The following CRLF3 variants were observed in gnomAD, a reference collection of about 807,000 sequenced individuals.
CRLF3 encodes the protein cytokine receptor-like factor 3.
Under a neutral mutation model 55.0 loss-of-function variants are expected in CRLF3, and 33 were observed. The ratio of observed to expected loss-of-function variants is 0.60; its 90% CI spans 0.46 to 0.80. CRLF3 has a LOEUF of 0.80. Among genes scored for constraint, CRLF3 ranks in the 30% least tolerant of loss-of-function variants. The pLI, the probability that CRLF3 is intolerant of heterozygous loss-of-function variation, is 0.00. For synonymous variants in CRLF3, 238 were observed against 196.8 expected, an observed-to-expected ratio of 1.21 and a Z score of -1.75; for missense variants, 494 against 538.4, an observed-to-expected ratio of 0.92 and a Z score of 0.82.
chr17:30,789,476 G>C (rs1971736922), intron 6 of CRLF3, among the ~76,000 whole-genome samples: 1 of 152,162 alleles, frequency 6.6e-6, no homozygotes, highest in Non-Finnish European at 1.5e-5. Flanking sequence ...AAAGAGCTAA[G>C]GACACAGTAA....
At chr17:30,803,175 AT>A (rs201199296) in intron 2 of CRLF3, among the ~76,000 whole-genome samples, 116 of 132,692 alleles carry the variant, frequency 8.7e-4, no homozygotes, top group African/African-American at 3.0e-3. Context: ...CAAAAAAAAA[AT>A]ATATATATAT....
At chr17:30,784,636 C>A in intron 7 of CRLF3, 193 bp from the exon 8 acceptor site, 1 of 495,896 alleles carries the variant, frequency 2.0e-6, no homozygotes, top group Non-Finnish European at 3.6e-6. Flanking sequence ...TTTCCCATAT[C>A]AGTGTCATCA....
chr17:30,822,677 G>C (rs1286760367), intron 1 of CRLF3, among the ~76,000 whole-genome samples: 2 of 152,002 alleles, frequency 1.3e-5, no homozygotes. Context: ...GAACCATCTA[G>C]GGTGTAATCA....
At chr17:30,794,914 T>G (rs756492189) in intron 4 of CRLF3, among the ~76,000 whole-genome samples, 5 of 152,230 alleles carry the variant, frequency 3.3e-5, no homozygotes, top group Non-Finnish European at 5.9e-5. Context: ...CTTGGAAGGC[T>G]AAATTGATAG....
intron 1 of CRLF3, among the ~76,000 whole-genome samples, chr17:30,805,390 A>G (rs1312853214): frequency 6.6e-6 from 1 of 152,120 alleles, no homozygotes; most frequent in Non-Finnish European, 1.5e-5. Flanking sequence ...AATTCATTTT[A>G]CTGAAAAGCA....
Position 30,786,125 on chromosome 17 carries a change from C to T in CRLF3, c.960-94G>A, listed in dbSNP as rs962793910. 5.5e-6 allele frequency: 4 copies of T among 731,216 alleles called. No homozygotes were observed. The African/African-American group carries it at 7.0e-5, about 13-fold the overall frequency. The allele number at this position is 731,216 out of a possible 1,614,324, so 45.3% of individuals were successfully genotyped here. A position where few individuals can be genotyped will look rare whatever the true frequency, so the allele number is the denominator to read the frequency against. On this transcript the variant is annotated intron_variant, in intron 6 of 7. Coordinates refer to ENST00000324238, the MANE Select transcript of CRLF3 (RefSeq NM_015986.4). ...TAGCTTAAAAAGAGCAATCTCACCA[C>T]AATTGTTTTTTTCTAAATAGTACAG...
chr17:30,794,720 C>T (rs1237601414), intron 4 of CRLF3, among the ~76,000 whole-genome samples: 3 of 152,092 alleles, frequency 2.0e-5, no homozygotes, highest in African/African-American at 7.2e-5. Flanking sequence ...ATCACTTGAG[C>T]CCAGGAGATT....
intron 1 of CRLF3, 108 bp downstream of exon 1, chr17:30,824,415 T>G (rs938798371): frequency 9.5e-7 from 1 of 1,048,914 alleles, no homozygotes; most frequent in Non-Finnish European, 1.3e-6. Flanking sequence ...GCCTCTTCCC[T>G]ACTCCAGAGT....
At chr17:30,792,205 T>G (rs1597917473) in intron 6 of CRLF3, among the ~76,000 whole-genome samples, 1 of 152,092 alleles carries the variant, frequency 6.6e-6, no homozygotes, top group Admixed American at 6.6e-5. Flanking sequence ...GGAAAAGAGA[T>G]ATAAACATAT....
chr17:30,821,273 G>C (rs1164408409), intron 1 of CRLF3, among the ~76,000 whole-genome samples: 1 of 150,402 alleles, frequency 6.6e-6, no homozygotes, highest in Non-Finnish European at 1.5e-5. Flanking sequence ...CTGAGAGGCA[G>C]AGCTTGCAGT....
intron 1 of CRLF3, among the ~76,000 whole-genome samples, chr17:30,810,571 TAATA>T (rs1904581712): frequency 6.6e-6 from 1 of 151,050 alleles, no homozygotes; most frequent in Non-Finnish European, 1.5e-5. Flanking sequence ...CAAAAAAAAA[TAATA>T]AATAAATAAT....
chr17:30,810,264 CT>C (rs1360206009), intron 1 of CRLF3, among the ~76,000 whole-genome samples: 1 of 152,118 alleles, frequency 6.6e-6, no homozygotes, highest in Non-Finnish European at 1.5e-5. Context: ...ACCATTAAAA[CT>C]TACAAAGTTT....
intron 1 of CRLF3, among the ~76,000 whole-genome samples, chr17:30,821,125 T>C (rs1456622560): frequency 6.7e-6 from 1 of 148,286 alleles, no homozygotes; most frequent in East Asian, 2.0e-4. Flanking sequence ...CCAAAGTGGG[T>C]GTTCATCTGA....
At chr17:30,804,156 C>A in intron 1 of CRLF3, 48 bp from the exon 2 acceptor site, 1 of 1,370,228 alleles carries the variant, frequency 7.3e-7, no homozygotes, top group South Asian at 1.2e-5. Context: ...TTAAAAAAGG[C>A]TAATCCAAAG....
chr17:30,796,225 G>A lies in CRLF3; in HGVS notation c.538C>T (p.Arg180Cys), dbSNP rs1971915613. Reference protein sequence around the residue: ...HIFKHGTVASRPPVQIEELIE... With the variant: ...HIFKHGTVASCPPVQIEELIE... ...AGTTCTTCTATCTGTACTGGTGGGC[G>A]AGATGCTACTGTTCCATGCTTAAAA... is the stretch of plus-strand genomic sequence containing the variant. The change falls in exon 4 of 8, where the codon CGC (arginine) becomes TGC (cysteine). Residue 180 changes from arginine (R) to cysteine (C), a missense_variant. Physicochemically the swap from Arg to Cys is radical, Grantham distance 180. Coordinates refer to ENST00000324238, the MANE Select transcript of CRLF3 (RefSeq NM_015986.4). The A allele has an allele frequency of 1.2e-6, 2 of 1,613,802 alleles. No homozygotes were observed. Among genetic ancestry groups the A allele is most frequent in the African/African-American group, 1.3e-5 (1 of 74,902 alleles).
chr17:30,819,571 C>T (rs976321026), intron 1 of CRLF3, among the ~76,000 whole-genome samples: 11 of 151,966 alleles, frequency 7.2e-5, no homozygotes, highest in African/African-American at 2.4e-4. Context: ...TCCGCCTGCC[C>T]GGCTCAAGCA....
At chr17:30,797,775 GTTT>G (rs747340532) in intron 2 of CRLF3, among the ~76,000 whole-genome samples, 1 of 128,126 alleles carries the variant, frequency 7.8e-6, no homozygotes, top group Admixed American at 8.1e-5. Context: ...GGGATAGGGT[GTTT>G]TTTTTTTTTT....
At chr17:30,784,495 C>T (rs777967213) in intron 7 of CRLF3, 52 bp from the exon 8 acceptor site, 3 of 1,485,066 alleles carry the variant, frequency 2.0e-6, no homozygotes, top group Non-Finnish European at 2.8e-6. Flanking sequence ...ACTAAGAGAT[C>T]TGAAATAGTT....
At position 30,788,599 on chromosome 17, in the gene CRLF3, C is replaced by CTTTTT. The variant is rs1159336036; in HGVS notation, c.960-2573_960-2569dup. On this transcript the variant is annotated intron_variant, in intron 6 of 7. Coordinates refer to ENST00000324238, the MANE Select transcript of CRLF3 (RefSeq NM_015986.4). Reference sequence around the variant, plus strand: ...GGGATAAATAACAAAGTAGTGCCTTCTTTTTTTTTTTTTTTTTTTTTTTTT... The same window carrying CTTTTT: ...GGGATAAATAACAAAGTAGTGCCTTCTTTTTTTTTTTTTTTTTTTTTTTTTTTTTT... Among the ~76,000 whole-genome samples, 379 of 80,034 alleles carry CTTTTT rather than the reference C, an allele frequency of 4.7e-3. 37 individuals are homozygous for CTTTTT. Among genetic ancestry groups the CTTTTT allele is most frequent in the African/African-American group, 0.012 (213 of 17,228 alleles). The allele number at this position is 80,034 out of a possible 152,430, so 52.5% of individuals were successfully genotyped here. A position where few individuals can be genotyped will look rare whatever the true frequency, so the allele number is the denominator to read the frequency against.
Sources: allele counts gnomAD v4.1 joint callset (sites outside exome capture counted in the v4.1 genomes callset), GRCh38; gene constraint gnomAD v4.1.1; transcripts MANE v1.5; gene names NCBI Gene and HGNC (gene_info 2026-07-23, HGNC 2026-07-21).